RNMT: variants seen among roughly 807,000 people sequenced by gnomAD.
RNMT encodes the protein RNA guanine-7 methyltransferase.
A neutral mutation model predicts 56.0 loss-of-function variants in RNMT; 27 were observed. The observed-to-expected ratio is 0.48, with a 90% CI of 0.36 to 0.67. The LOEUF (loss-of-function observed/expected upper bound fraction) is 0.67, where lower values mean the gene tolerates loss of function less well. Among genes scored for constraint, RNMT ranks in the 30% least tolerant of loss-of-function variants. RNMT has a pLI of 0.00. For missense variants in RNMT, 519 were observed against 552.1 expected (o/e 0.94, Z 0.60); for synonymous variants, 184 against 176.2 (o/e 1.04, Z -0.35).
At chr18:13,735,115 A>C (rs1005531896) in intron 4 of RNMT, among the ~76,000 whole-genome samples, 2 of 152,210 alleles carry the variant, frequency 1.3e-5, no homozygotes, top group Non-Finnish European at 2.9e-5. Flanking sequence ...GGTAAAAAAA[A>C]GAATATAATT....
In RNMT at chr18:13,762,110, A is replaced by C. The variant is rs1442581832; in HGVS notation, c.*2131A>C. ...GCCAGGAAGAGCACCTGTTGCTGCA[A>C]GCTCAGTGAAGTGGGGCACTCCCAG... is the stretch of plus-strand genomic sequence containing the variant. On this transcript the variant is annotated 3_prime_UTR_variant, in exon 12 of 12. Coordinates refer to ENST00000383314, the MANE Select transcript of RNMT (RefSeq NM_003799.3). 10 of 1,536,066 alleles carry C rather than the reference A, an allele frequency of 6.5e-6. No homozygotes were observed. The Admixed American group carries it at 2.0e-4, about 30-fold the overall frequency.
chr18:13,761,843 A>ACG lies in RNMT; in HGVS notation c.*1865_*1866insGC. ...ATCAGTTCTTCCTCCACCACCCTAC[A>ACG]CCCCCCTCCCCCCGGCCCCAAGCCC... On this transcript the variant is annotated 3_prime_UTR_variant, in exon 12 of 12. Transcript: ENST00000383314. The ACG allele has an allele frequency of 8.7e-7, 1 of 1,149,672 alleles. No homozygotes were observed. The highest frequency in any genetic ancestry group is 1.1e-6 in the Non-Finnish European group (1 of 920,674). The allele number at this position is 1,149,672 out of a possible 1,614,324, so 71.2% of individuals were successfully genotyped here.
At chr18:13,758,773 A>G (rs1376688704) in intron 11 of RNMT, among the ~76,000 whole-genome samples, 1 of 151,992 alleles carries the variant, frequency 6.6e-6, no homozygotes, top group Non-Finnish European at 1.5e-5. Flanking sequence ...CTTTTTGCCT[A>G]TTTTAGCTTT....
Position 13,760,115 on chromosome 18 carries a change from T to C in RNMT, c.*136T>C. ...CAGGATGCTGCCAGAAACTCCAATG[T>C]AGAAATTCAACATTTGCTGTCTGTG... On this transcript the variant is annotated 3_prime_UTR_variant, in exon 12 of 12. Coordinates refer to ENST00000383314, the MANE Select transcript of RNMT (RefSeq NM_003799.3). 1 of 1,403,308 alleles carries C rather than the reference T, an allele frequency of 7.1e-7. No individual in the cohort carries two copies. The highest frequency in any genetic ancestry group is 9.3e-7 in the Non-Finnish European group (1 of 1,074,174). The allele number at this position is 1,403,308 out of a possible 1,614,324, so 86.9% of individuals were successfully genotyped here.
In RNMT at chr18:13,760,262, A is replaced by G; in HGVS notation, c.*283A>G. The G allele has an allele frequency of 8.9e-7, 1 of 1,118,464 alleles. No individual in the cohort carries two copies. Among genetic ancestry groups the G allele is most frequent in the Non-Finnish European group, 1.1e-6 (1 of 914,700 alleles). 69.3% of individuals were successfully genotyped at this position (1,118,464 alleles called of 1,614,324 possible). A position where few individuals can be genotyped will look rare whatever the true frequency, so the allele number is the denominator to read the frequency against. ...TATGATCTTAGCTCATAAAAATATA[A>G]TATGACTTGATAAAGCAACTAAACT... On this transcript the variant is annotated 3_prime_UTR_variant, in exon 12 of 12. Transcript: ENST00000383314.
chr18:13,762,179 A>C lies in RNMT; in HGVS notation c.*2200A>C, dbSNP rs763616839. On this transcript the variant is annotated 3_prime_UTR_variant, in exon 12 of 12. Transcript: ENST00000383314. ...CCTCTGAGAATGGAATTGGAAATGA[A>C]GACCTAACCAGCTATTGGTGGGAAT... is the stretch of plus-strand genomic sequence containing the variant. The C allele has an allele frequency of 3.2e-5, 48 of 1,518,068 alleles. No homozygotes were observed. The South Asian group carries it at 5.8e-4, about 18-fold the overall frequency. The allele number at this position is 1,518,068 out of a possible 1,614,324, so 94.0% of individuals were successfully genotyped here.
rs183729878 is a variant in RNMT, at chr18:13,749,802, C to G, written c.1258-2524C>G. ...CACTGACACCATCTTGGCATCTTGGCACACTGCAACCCCTTCCCCCCGACC... is the reference window on the plus strand; with the variant it reads ...CACTGACACCATCTTGGCATCTTGGGACACTGCAACCCCTTCCCCCCGACC... On this transcript the variant is annotated intron_variant, in intron 9 of 11. Transcript: ENST00000383314. Among the ~76,000 whole-genome samples the G allele has an allele frequency of 1.8e-3, 276 of 152,056 alleles. 1 individual carries two copies. Among genetic ancestry groups the G allele is most frequent in the African/African-American group, 6.5e-3 (271 of 41,450 alleles).
chr18:13,735,746 A>AT (rs570666172), intron 4 of RNMT, among the ~76,000 whole-genome samples: 11 of 151,386 alleles, frequency 7.3e-5, no homozygotes, highest in Non-Finnish European at 1.2e-4. Flanking sequence ...GAAAAGAGGT[A>AT]TTTTTTTTTA....
Position 13,759,878 on chromosome 18 carries a change from A to C in RNMT, c.1394-64A>C. ...AAGAATTTTCACCAAATTATGAACA[A>C]GACAGATTGTTTTATTTATTGTAAT... On this transcript the variant is annotated intron_variant, in intron 11 of 11. Coordinates refer to ENST00000383314, the MANE Select transcript of RNMT (RefSeq NM_003799.3). 4.9e-6 allele frequency: 7 copies of C among 1,426,670 alleles called. No individual in the cohort carries two copies. In the South Asian group the frequency reaches 8.2e-5, roughly 17 times the overall value. 88.4% of individuals were successfully genotyped at this position (1,426,670 alleles called of 1,614,324 possible). A position where few individuals can be genotyped will look rare whatever the true frequency, so the allele number is the denominator to read the frequency against.
intron 9 of RNMT, among the ~76,000 whole-genome samples, chr18:13,750,067 A>G (rs1007900082): frequency 2.0e-5 from 3 of 152,272 alleles, no homozygotes; most frequent in African/African-American, 4.8e-5. Context: ...CCTGATTTAC[A>G]TGTATTAAAA....
At chr18:13,740,940 G>GT (rs759328268) in intron 6 of RNMT, among the ~76,000 whole-genome samples, 19 of 152,136 alleles carry the variant, frequency 1.2e-4, no homozygotes, top group Admixed American at 2.0e-4. Context: ...AGCCTGTTTG[G>GT]TTTTTTCCTA....
Position 13,762,260 on chromosome 18 carries a change from A to C in RNMT, c.*2281A>C. ...GGGAACATGGCTGGATTGTGATTTA[A>C]CCAAGAATGCTGATGTTGAATTCTT... On this transcript the variant is annotated 3_prime_UTR_variant, in exon 12 of 12. Coordinates refer to ENST00000383314, the MANE Select transcript of RNMT (RefSeq NM_003799.3). The C allele has an allele frequency of 7.8e-7, 1 of 1,283,810 alleles. No homozygotes were observed. The highest frequency in any genetic ancestry group is 1.0e-6 in the Non-Finnish European group (1 of 953,820). 79.5% of individuals were successfully genotyped at this position (1,283,810 alleles called of 1,614,324 possible).
intron 6 of RNMT, among the ~76,000 whole-genome samples, 178 bp downstream of exon 6, chr18:13,740,457 C>G (rs1008558125): frequency 6.6e-6 from 1 of 152,178 alleles, no homozygotes; most frequent in Admixed American, 6.5e-5. Context: ...CTTACTGCAA[C>G]CTCTGCCTCC....
intron 10 of RNMT, among the ~76,000 whole-genome samples, chr18:13,753,587 C>T (rs1259765119): frequency 6.6e-6 from 1 of 151,762 alleles, no homozygotes; most frequent in African/African-American, 2.4e-5. Flanking sequence ...CTGGCTGACA[C>T]GGTGAAACCT....
Position 13,734,487 on chromosome 18 carries a change from A to C in RNMT, c.441A>C (p.Ser147=), listed in dbSNP as rs374452264. The part of the protein sequence containing the change: ...KQKNLEEGHS[S]TVAAHYNELQ... ...AGAATCTGGAAGAAGGACACAGCTC[A>C]ACAGTGGCTGCCCATTACAATGAAC... The change falls in exon 4 of 12, where the codon TCA becomes TCC. Residue 147 remains serine, a synonymous_variant. Coordinates refer to ENST00000383314, the MANE Select transcript of RNMT (RefSeq NM_003799.3). 1.2e-5 allele frequency: 20 copies of C among 1,613,134 alleles called. No individual in the cohort carries two copies. The African/African-American group carries it at 2.5e-4, about 20-fold the overall frequency.
Position 13,762,198 on chromosome 18 carries a change from T to C in RNMT, c.*2219T>C. On this transcript the variant is annotated 3_prime_UTR_variant, in exon 12 of 12. Coordinates refer to ENST00000383314, the MANE Select transcript of RNMT (RefSeq NM_003799.3). ...AAATGAAGACCTAACCAGCTATTGG[T>C]GGGAATGACGGAACTGGGGATTGCG... The C allele has an allele frequency of 1.3e-6, 2 of 1,501,780 alleles. No homozygotes were observed. Among genetic ancestry groups the C allele is most frequent in the African/African-American group, 1.4e-5 (1 of 72,290 alleles). The allele number at this position is 1,501,780 out of a possible 1,614,324, so 93.0% of individuals were successfully genotyped here.
rs114951540 is a variant in RNMT at position 13,731,609 on chromosome 18, A to C, written c.92A>C (p.Asn31Thr). The change falls in exon 3 of 12, where the codon AAT (asparagine) becomes ACT (threonine). Residue 31 changes from asparagine (N) to threonine (T), a missense_variant. Coordinates refer to ENST00000383314, the MANE Select transcript of RNMT (RefSeq NM_003799.3). ...SVNSETESSF[N>T]INENTTASGT... ...AATTCTGAAACAGAGTCTTCATTCA[A>C]TATTAATGAAAACACAACAGCTTCT... 1.9e-6 allele frequency: 3 copies of C among 1,613,962 alleles called. No homozygotes were observed. In the South Asian group the frequency reaches 3.3e-5, roughly 18 times the overall value.
chr18:13,740,251 C>A lies in RNMT; in HGVS notation c.764C>A (p.Ala255Glu). Reference protein sequence around the residue: ...NRRDSEYIFSAEFITADSSKE... With the variant: ...NRRDSEYIFSEEFITADSSKE... ...CGTGATAGTGAATATATTTTCAGTG[C>A]AGAATTTATAACTGCTGACAGCTCA... The change falls in exon 6 of 12, where the codon GCA (alanine) becomes GAA (glutamate). Residue 255 changes from alanine to glutamate, a missense_variant. Transcript: ENST00000383314. 1 of 1,597,420 alleles carries A rather than the reference C, an allele frequency of 6.3e-7. No individual in the cohort carries two copies. Among genetic ancestry groups the A allele is most frequent in the Non-Finnish European group, 8.6e-7 (1 of 1,164,990 alleles).
At chr18:13,734,732 G>A in intron 4 of RNMT, 133 bp downstream of exon 4, 2 of 740,842 alleles carry the variant, frequency 2.7e-6, no homozygotes, top group Non-Finnish European at 4.2e-6. Context: ...GGTTGACTGT[G>A]TAAGATTTTA....
Sources: gnomAD v4.1 joint callset for allele counts (sites outside exome capture counted in the v4.1 genomes callset) on GRCh38, gnomAD v4.1.1 for gene constraint, MANE v1.5 for transcripts, NCBI Gene and HGNC (gene_info 2026-07-23, HGNC 2026-07-21) for gene names.